Variants in ADGRG4 observed in about 807,000 individuals in gnomAD.
ADGRG4 encodes adhesion G protein-coupled receptor G4, also known as G protein-coupled receptor 112.
In ADGRG4, 122 loss-of-function variants were observed where a neutral mutation model predicts 126.2. The ratio of observed to expected loss-of-function variants is 0.97; its 90% confidence interval spans 0.83 to 1.12. The LOEUF is 1.12. Among genes scored for constraint, ADGRG4 ranks in the 50% most tolerant of loss-of-function variants. ADGRG4 has a pLI of 0.00. For synonymous variants in ADGRG4, 943 were observed against 838.7 expected, an observed-to-expected ratio of 1.12 and a Z score of -2.15; for missense variants, 2,481 against 2,251.8, an observed-to-expected ratio of 1.10 and a Z score of -2.06.
intron 4 of ADGRG4, among the ~76,000 whole-genome samples, chrX:136,313,994 TC>T (rs1225470419): frequency 9.0e-6 from 1 of 111,538 alleles, no homozygotes; most frequent in African/African-American, 3.3e-5. Context: ...CTTTCATTCT[TC>T]CCTTTCTCTC....
chrX:136,326,021 A>G (rs1188361515), intron 5 of ADGRG4, among the ~76,000 whole-genome samples: 1 of 111,981 alleles, frequency 8.9e-6, no homozygotes, highest in Non-Finnish European at 1.9e-5. Context: ...TCTTTCATAC[A>G]CTTTTTAATG....
In ADGRG4 at chrX:136,371,411, G is replaced by A. The variant is rs2075193118; in HGVS notation, c.7480G>A (p.Val2494Ile). 1.7e-6 allele frequency: 2 copies of A among 1,190,533 alleles called. No individual in the cohort carries two copies. The highest frequency in any genetic ancestry group is 2.3e-4 in the Middle Eastern group (1 of 4,263). The change falls in exon 14 of 26, where the codon GTT (valine) becomes ATT (isoleucine). Residue 2494 changes from valine (V) to isoleucine (I), a missense_variant. By Grantham distance (29) the Val-to-Ile change is conservative. Coordinates refer to ENST00000394143, the MANE Select transcript of ADGRG4 (RefSeq NM_153834.4). ...ALGKEETKII[V>I]SKISDISQCD... ...GGGTAAAGAAGAGACAAAGATTATT[G>A]TTTCTAAAATATCAGATATTTCACA... is the stretch of plus-strand genomic sequence containing the variant.
At chrX:136,364,188 G>A (rs1181566533) in intron 13 of ADGRG4, among the ~76,000 whole-genome samples, 8 of 109,794 alleles carry the variant, frequency 7.3e-5, no homozygotes. Context: ...ATACTTCACT[G>A]ACTTCAATAC....
At position 136,358,611 on chromosome X, in the gene ADGRG4, T is replaced by C. The variant is rs768888900; in HGVS notation, c.6981-681T>C. Among the ~76,000 whole-genome samples the C allele has an allele frequency of 1.2e-4, 14 of 112,267 alleles. No homozygotes were observed. In the South Asian group the frequency reaches 1.9e-3, roughly 15 times the overall value. On this transcript the variant is annotated intron_variant, in intron 10 of 25. Transcript: ENST00000394143. ...TAGAGGATGAAGTCAAGGACAGCTCTATCCTTTCATCAGTGATCTTTTAGT... is the reference window on the plus strand; with the variant it reads ...TAGAGGATGAAGTCAAGGACAGCTCCATCCTTTCATCAGTGATCTTTTAGT...
chrX:136,405,343 C>A (rs1165899938), intron 22 of ADGRG4, among the ~76,000 whole-genome samples: 1 of 110,580 alleles, frequency 9.0e-6, no homozygotes, highest in Non-Finnish European at 1.9e-5. Context: ...GTGTGGGGAG[C>A]ACGGCGACAG....
rs73240363 is a variant in ADGRG4, at chrX:136,358,252, G to T, written c.6980+496G>T. The stretch of plus-strand genomic sequence containing the variant: ...GGGTCTGTCGCAAGCAGGAGGAGAG[G>T]TTTAAAATGAAGACTCCTCTTCGGA... On this transcript the variant is annotated intron_variant, in intron 10 of 25. Transcript: ENST00000394143. Among the ~76,000 whole-genome samples, 1,004 of 110,736 alleles carry T rather than the reference G, an allele frequency of 9.1e-3. 3 individuals are homozygous for T. The highest frequency in any genetic ancestry group is 0.014 in the Non-Finnish European group (738 of 52,982).
At chrX:136,392,603 T>C (rs1404728109) in intron 17 of ADGRG4, among the ~76,000 whole-genome samples, 2 of 111,990 alleles carry the variant, frequency 1.8e-5, no homozygotes, top group African/African-American at 6.5e-5. Flanking sequence ...CTTTTGGATG[T>C]CCCATCACAC....
In ADGRG4 at chrX:136,393,598, CA is replaced by C. The variant is rs1487341175; in HGVS notation, c.8080+20del. On this transcript the variant is annotated intron_variant, in intron 18 of 25. Coordinates refer to ENST00000394143, the MANE Select transcript of ADGRG4 (RefSeq NM_153834.4). ...GAATAATAGTAAGTATTTTTGTTAG[CA>C]ACTTTGACTTTGCCCCAGACCATTT... is the stretch of plus-strand genomic sequence containing the variant. 8.6e-7 allele frequency: 1 copy of C among 1,168,337 alleles called. No homozygotes were observed. Among genetic ancestry groups the C allele is most frequent in the Non-Finnish European group, 1.2e-6 (1 of 858,160 alleles).
At position 136,344,899 on chromosome X, in the gene ADGRG4, C is replaced by T. The variant is rs374701309; in HGVS notation, c.1193C>T (p.Thr398Met). 46 of 1,209,184 alleles carry T rather than the reference C, an allele frequency of 3.8e-5. 2 individuals are homozygous for T. The Admixed American group carries it at 9.0e-4, about 24-fold the overall frequency. Residue 398 changes from threonine to methionine, a missense_variant, in exon 6 of 26, where the codon ACG becomes ATG. Thr to Met is a moderately conservative substitution (Grantham distance 81, BLOSUM62 -1). Transcript: ENST00000394143. ...GCAATTAAATCTCAGTCGGCTGTTACGAAGACAACATCTTTATTTTCAACT... is the reference window on the plus strand; with the variant it reads ...GCAATTAAATCTCAGTCGGCTGTTATGAAGACAACATCTTTATTTTCAACT... ...TSAIKSQSAV[T>M]KTTSLFSTIE...
intron 5 of ADGRG4, among the ~76,000 whole-genome samples, 176 bp downstream of exon 5, chrX:136,323,568 G>A (rs1312889804): frequency 5.9e-5 from 5 of 84,553 alleles, no homozygotes; most frequent in Non-Finnish European, 8.7e-5. Context: ...TGGAAGAATA[G>A]GATAGAAGAA....
chrX:136,354,935 C>T (rs1253572462), intron 8 of ADGRG4, among the ~76,000 whole-genome samples: 1 of 111,559 alleles, frequency 9.0e-6, no homozygotes, highest in Non-Finnish European at 1.9e-5. Flanking sequence ...TCTCCAAACC[C>T]AGTCTTCTTG....
At position 136,348,248 on chromosome X, in the gene ADGRG4, C is replaced by A; in HGVS notation, c.4542C>A (p.Ser1514=). 1 of 1,210,715 alleles carries A rather than the reference C, an allele frequency of 8.3e-7. No individual in the cohort carries two copies. The highest frequency in any genetic ancestry group is 1.1e-6 in the Non-Finnish European group (1 of 894,701). The stretch of plus-strand genomic sequence containing the variant: ...CGTCCACTCCTATTTACCAGATGTC[C>A]TCATTGCCAGTTAATGTAACTGCCT... The part of the protein sequence containing the change: ...MATSTPIYQM[S]SLPVNVTAFT... The change falls in exon 6 of 26, where the codon TCC becomes TCA. Residue 1514 remains serine (S), a synonymous_variant. Coordinates refer to ENST00000394143, the MANE Select transcript of ADGRG4 (RefSeq NM_153834.4).
intron 3 of ADGRG4, chrX:136,306,265 C>T (rs1007452330): frequency 1.8e-5 from 2 of 110,445 alleles, no homozygotes; most frequent in African/African-American, 6.6e-5. Context: ...TTTTTCTGAA[C>T]CACAAAATTA....
At chrX:136,321,859 A>G (rs190240322) in intron 4 of ADGRG4, among the ~76,000 whole-genome samples, 88 of 112,338 alleles carry the variant, frequency 7.8e-4, no homozygotes, top group Non-Finnish European at 1.4e-3. Flanking sequence ...TTAATCTTCA[A>G]ATAATCTTGT....
chrX:136,350,359 C>A lies in ADGRG4; in HGVS notation c.6653C>A (p.Thr2218Lys), dbSNP rs972815691. ...VSSPISSFFETTWLDSTPSFL... is the reference protein window; with the variant it reads ...VSSPISSFFEKTWLDSTPSFL... ...TCACCAATATCGTCCTTTTTTGAAA[C>A]AACTTGGCTGGACTCCACACCTTCC... The change falls in exon 6 of 26, where the codon ACA becomes AAA. Residue 2218 changes from threonine to lysine, a missense_variant. By Grantham distance (78) the Thr-to-Lys change is moderately conservative. Coordinates refer to ENST00000394143, the MANE Select transcript of ADGRG4 (RefSeq NM_153834.4). 1 of 1,210,581 alleles carries A rather than the reference C, an allele frequency of 8.3e-7. No homozygotes were observed. Among genetic ancestry groups the A allele is most frequent in the Non-Finnish European group, 1.1e-6 (1 of 894,716 alleles).
chrX:136,345,807 A>G lies in ADGRG4; in HGVS notation c.2101A>G (p.Asn701Asp), dbSNP rs1230841045. 2.5e-6 allele frequency: 3 copies of G among 1,208,821 alleles called. No homozygotes were observed. The highest frequency in any genetic ancestry group is 3.4e-6 in the Non-Finnish European group (3 of 894,349). The change falls in exon 6 of 26, where the codon AAT becomes GAT. Residue 701 changes from asparagine to aspartate, a missense_variant. Asn to Asp is a conservative substitution (Grantham distance 23, BLOSUM62 1). Coordinates refer to ENST00000394143, the MANE Select transcript of ADGRG4 (RefSeq NM_153834.4). ...TYTEYLSATT[N>D]ITPLKASPEG... ...TACAGAATATTTATCCGCAACTACC[A>G]ATATCACCCCACTGAAAGCATCTCC...
Position 136,356,161 on chromosome X carries a change from C to A in ADGRG4, c.6923C>A (p.Ala2308Asp). 1 of 1,173,105 alleles carries A rather than the reference C, an allele frequency of 8.5e-7. No individual in the cohort carries two copies. The highest frequency in any genetic ancestry group is 1.2e-6 in the Non-Finnish European group (1 of 864,909). ...GAGGAAGAGATGGTCATGGATCGAG[C>A]TATTGTAAGTAATTTTTCAAAATGA... ...ISEEEMVMDR[A>D]ILEQREGQEM... The change falls in exon 9 of 26, where the codon GCT becomes GAT. Residue 2308 changes from alanine (A) to aspartate (D), a missense_variant. Physicochemically the swap from Ala to Asp is moderately radical, Grantham distance 126. Coordinates refer to ENST00000394143, the MANE Select transcript of ADGRG4 (RefSeq NM_153834.4).
chrX:136,348,144 G>A lies in ADGRG4; in HGVS notation c.4438G>A (p.Val1480Ile), dbSNP rs753476610. The A allele has an allele frequency of 8.3e-7, 1 of 1,210,088 alleles. No homozygotes were observed. Among genetic ancestry groups the A allele is most frequent in the East Asian group, 3.0e-5 (1 of 33,795 alleles). Residue 1480 changes from valine to isoleucine, a missense_variant, in exon 6 of 26, where the codon GTT (valine) becomes ATT (isoleucine). Val to Ile is a conservative substitution (Grantham distance 29). Coordinates refer to ENST00000394143, the MANE Select transcript of ADGRG4 (RefSeq NM_153834.4). ...TGGACTATATAATGACGGTTTTACA[G>A]TTCTCTCCGACAGGATCACTACAGC... ...TAGLYNDGFT[V>I]LSDRITTAFS...
chrX:136,364,202 A>T (rs890560750), intron 13 of ADGRG4, among the ~76,000 whole-genome samples: 1 of 111,393 alleles, frequency 9.0e-6, no homozygotes, highest in Non-Finnish European at 1.9e-5. Context: ...TCAATACTCA[A>T]AAAACAAAAA....
Sources: gnomAD v4.1 joint callset for allele counts (sites outside exome capture counted in the v4.1 genomes callset) on GRCh38, gnomAD v4.1.1 for gene constraint, MANE v1.5 for transcripts, NCBI Gene and HGNC (gene_info 2026-07-23, HGNC 2026-07-21) for gene names.